The following EIF4G3 variants were observed in gnomAD, a reference collection of about 807,000 sequenced individuals.
The protein encoded by EIF4G3 is eIF-4-gamma 3.
In EIF4G3, 34 loss-of-function variants were observed where a neutral mutation model predicts 186.4. That is an observed-to-expected ratio of 0.18 (90% confidence interval 0.14 to 0.24). The LOEUF is 0.24. Among genes scored for constraint, EIF4G3 ranks in the 10% least tolerant of loss-of-function variants. The pLI, the probability that EIF4G3 is intolerant of heterozygous loss-of-function variation, is 1.00. For synonymous variants in EIF4G3, 673 were observed against 679.5 expected, an observed-to-expected ratio of 0.99 and a Z score of 0.15; for missense variants, 1,536 against 1,948.5, an observed-to-expected ratio of 0.79 and a Z score of 3.99.
chr1:20,941,426 A>C, intron 14 of EIF4G3, 65 bp downstream of exon 14: 1 of 1,610,316 alleles, frequency 6.2e-7, no homozygotes, highest in Non-Finnish European at 8.5e-7. Flanking sequence ...CCAATTAAAA[A>C]ATAACTCAAA....
intron 14 of EIF4G3, among the ~76,000 whole-genome samples, chr1:20,908,902 C>A (rs1449308892): frequency 6.6e-6 from 1 of 152,120 alleles, no homozygotes; most frequent in Admixed American, 6.5e-5. Context: ...GTATTCCCAG[C>A]ACTTTGGGAG....
At chr1:20,870,186 C>T (rs546859632) in intron 20 of EIF4G3, among the ~76,000 whole-genome samples, 4 of 152,066 alleles carry the variant, frequency 2.6e-5, no homozygotes, top group South Asian at 4.2e-4. Flanking sequence ...TCTGCAATTC[C>T]GGGCTTTATT....
intron 3 of EIF4G3, among the ~76,000 whole-genome samples, chr1:21,073,327 A>C (rs2095496396): frequency 6.6e-6 from 1 of 152,136 alleles, no homozygotes; most frequent in Admixed American, 6.5e-5. Context: ...GCAGCTATTC[A>C]CATTTAAATT....
At chr1:20,925,122 A>C (rs912803316) in intron 14 of EIF4G3, among the ~76,000 whole-genome samples, 4 of 152,218 alleles carry the variant, frequency 2.6e-5, no homozygotes, top group South Asian at 2.1e-4. Context: ...TGCATTATAC[A>C]TGTGAATGTG....
intron 3 of EIF4G3, among the ~76,000 whole-genome samples, chr1:21,081,313 G>T (rs972575101): frequency 3.3e-5 from 5 of 152,112 alleles, no homozygotes; most frequent in Non-Finnish European, 5.9e-5. Flanking sequence ...CACACCTGTA[G>T]TCCCAGCTAC....
chr1:20,831,222 T>A (rs1032917999), intron 30 of EIF4G3, among the ~76,000 whole-genome samples: 1 of 152,168 alleles, frequency 6.6e-6, no homozygotes, highest in Non-Finnish European at 1.5e-5. Context: ...ATTTACTGGG[T>A]TTTTGTGTAA....
At chr1:20,947,395 T>G (rs2096004799) in intron 13 of EIF4G3, among the ~76,000 whole-genome samples, 1 of 151,420 alleles carries the variant, frequency 6.6e-6, no homozygotes, top group African/African-American at 2.4e-5. Flanking sequence ...AAAAAAACCA[T>G]TTTCTCTGAA....
At chr1:20,891,071 C>T (rs529715709) in intron 18 of EIF4G3, among the ~76,000 whole-genome samples, 1 of 152,268 alleles carries the variant, frequency 6.6e-6, no homozygotes, top group East Asian at 1.9e-4. Context: ...TTGAGTGTAC[C>T]AGAATAACTC....
intron 2 of EIF4G3, among the ~76,000 whole-genome samples, chr1:21,091,497 C>A (rs115590296): frequency 6.6e-6 from 1 of 151,972 alleles, no homozygotes. Flanking sequence ...CTGAACCACA[C>A]GAATATGTTT....
intron 2 of EIF4G3, among the ~76,000 whole-genome samples, chr1:21,130,112 C>T (rs1160160060): frequency 6.6e-6 from 1 of 151,396 alleles, no homozygotes; most frequent in African/African-American, 2.4e-5. Context: ...AAGCTAGAGC[C>T]AAGTGCAGTG....
intron 2 of EIF4G3, among the ~76,000 whole-genome samples, chr1:21,162,474 C>T (rs2097783136): frequency 6.8e-6 from 1 of 146,838 alleles, no homozygotes; most frequent in African/African-American, 2.5e-5. Context: ...AGGTGGGACA[C>T]AGTGGCTCAC....
intron 4 of EIF4G3, among the ~76,000 whole-genome samples, chr1:21,033,509 G>A (rs2092918243): frequency 2.0e-5 from 3 of 152,026 alleles, no homozygotes; most frequent in Admixed American, 2.0e-4. Flanking sequence ...GACAGGCAAG[G>A]AACATTTATT....
chr1:21,011,022 C>T (rs1005684382), intron 4 of EIF4G3, among the ~76,000 whole-genome samples: 24 of 151,960 alleles, frequency 1.6e-4, no homozygotes, highest in African/African-American at 5.8e-4. Context: ...ATGTCACAGG[C>T]CTGTGCTGAT....
intron 19 of EIF4G3, among the ~76,000 whole-genome samples, chr1:20,882,317 C>T (rs1238430812): frequency 6.6e-6 from 1 of 152,004 alleles, no homozygotes; most frequent in African/African-American, 2.4e-5. Flanking sequence ...TTGGGCAACA[C>T]TGCCTCTAAA....
intron 14 of EIF4G3, among the ~76,000 whole-genome samples, chr1:20,923,279 G>T (rs1057421912): frequency 5.3e-5 from 8 of 152,046 alleles, no homozygotes; most frequent in African/African-American, 1.9e-4. Context: ...CACTAAGTAG[G>T]TTTGCTCCAA....
At chr1:21,001,412 A>C in intron 5 of EIF4G3, 100 bp from the exon 6 acceptor site, 1 of 436,302 alleles carries the variant, frequency 2.3e-6, no homozygotes, top group Admixed American at 2.6e-5. Context: ...ATAATCAGAA[A>C]TTAGGGTTGG....
intron 5 of EIF4G3, among the ~76,000 whole-genome samples, chr1:21,001,882 T>C (rs536810670): frequency 6.6e-6 from 1 of 152,338 alleles, no homozygotes; most frequent in African/African-American, 2.4e-5. Flanking sequence ...CAATGAGGTA[T>C]TCCTGCACTC....
intron 3 of EIF4G3, among the ~76,000 whole-genome samples, chr1:21,078,000 G>C (rs962706148): frequency 6.6e-6 from 1 of 151,950 alleles, no homozygotes; most frequent in African/African-American, 2.4e-5. Flanking sequence ...ATAAAGGTTC[G>C]TGAAAAAACT....
At chr1:20,944,345 T>G (rs757363820) in intron 13 of EIF4G3, among the ~76,000 whole-genome samples, 15 of 151,962 alleles carry the variant, frequency 9.9e-5, no homozygotes, top group Non-Finnish European at 1.5e-4. Context: ...TGAGACCTTT[T>G]GTCTACAAAA....
Sources: gnomAD v4.1 joint callset for allele counts (sites outside exome capture counted in the v4.1 genomes callset) on GRCh38, gnomAD v4.1.1 for gene constraint, MANE v1.5 for transcripts, NCBI Gene and HGNC (gene_info 2026-07-23, HGNC 2026-07-21) for gene names.